BBS9: variants seen among roughly 807,000 people sequenced by gnomAD.
The protein encoded by BBS9 is protein PTHB1.
A neutral mutation model predicts 117.7 loss-of-function variants in BBS9; 89 were observed. That is an observed-to-expected ratio of 0.76 (90% CI 0.64 to 0.90). The LOEUF (loss-of-function observed/expected upper bound fraction) is 0.90, where lower values mean the gene tolerates loss of function less well. BBS9 is among the 40% of genes least tolerant of loss of function. The pLI, the probability that BBS9 is intolerant of heterozygous loss-of-function variation, is 0.00. For synonymous variants in BBS9, 379 were observed against 370.9 expected (o/e 1.02, Z -0.25); for missense variants, 982 against 1,042.2 (o/e 0.94, Z 0.80).
rs143016114 is a variant in BBS9 at position 33,367,841 on chromosome 7, G to C, written c.1768G>C (p.Val590Leu). ...FHFLGGARIT[V>L]LASKTSQRYR... ...CTTCTTAGGAGGTGCTCGAATTACT[G>C]TTCTTGCTTCCAAAACTTCTCGTAA... The change falls in exon 17 of 23, where the codon GTT (valine) becomes CTT (leucine). Residue 590 changes from valine to leucine, a missense_variant. Coordinates refer to ENST00000242067, the MANE Select transcript of BBS9 (RefSeq NM_198428.3). 1 of 1,613,748 alleles carries C rather than the reference G, an allele frequency of 6.2e-7. No individual in the cohort carries two copies. The highest frequency in any genetic ancestry group is 1.1e-5 in the South Asian group (1 of 91,074).
At chr7:33,596,981 C>G (rs563537701) in intron 21 of BBS9, among the ~76,000 whole-genome samples, 2 of 151,124 alleles carry the variant, frequency 1.3e-5, no homozygotes, top group African/African-American at 4.8e-5. Context: ...AACTGGAAAA[C>G]TAACAGAGTA....
At chr7:33,529,845 G>T (rs1176907297) in intron 20 of BBS9, among the ~76,000 whole-genome samples, 2 of 152,122 alleles carry the variant, frequency 1.3e-5, no homozygotes, top group East Asian at 3.8e-4. Flanking sequence ...AAAAATACTA[G>T]TATGATTGAT....
chr7:33,626,839 G>GAA (rs1865659563), intron 21 of BBS9, among the ~76,000 whole-genome samples: 4 of 152,222 alleles, frequency 2.6e-5, no homozygotes, highest in Admixed American at 2.0e-4. Flanking sequence ...ATGTGCATGA[G>GAA]CAAAGAGATG....
chr7:33,275,847 C>A (rs1271930540), intron 9 of BBS9, among the ~76,000 whole-genome samples: 1 of 152,062 alleles, frequency 6.6e-6, no homozygotes, highest in Non-Finnish European at 1.5e-5. Flanking sequence ...GGTCTAGGTG[C>A]AACTTATGAG....
intron 19 of BBS9, among the ~76,000 whole-genome samples, chr7:33,487,202 C>G (rs1040793976): frequency 1.3e-5 from 2 of 152,146 alleles, no homozygotes; most frequent in African/African-American, 4.8e-5. Flanking sequence ...GCTTAGGATT[C>G]ATTGTAATTC....
Position 33,379,635 on chromosome 7 carries a change from G to A in BBS9, c.1790-4031G>A, listed in dbSNP as rs908691377. On this transcript the variant is annotated intron_variant, in intron 17 of 22. Coordinates refer to ENST00000242067, the MANE Select transcript of BBS9 (RefSeq NM_198428.3). ...ATATTTTATTAAAGATAGTTGTTTT[G>A]TATCTGCTATGTGAAAGTTACTTGA... 3.3e-5 allele frequency among the ~76,000 whole-genome samples: 5 copies of A among 152,158 alleles called. No homozygotes were observed. In the East Asian group the frequency reaches 9.6e-4, roughly 29 times the overall value.
intron 2 of BBS9, among the ~76,000 whole-genome samples, chr7:33,148,804 G>T (rs1344351363): frequency 3.5e-5 from 5 of 144,168 alleles, no homozygotes; most frequent in African/African-American, 1.3e-4. Context: ...TATTTTTTTT[G>T]TACAGACAGT....
intron 19 of BBS9, among the ~76,000 whole-genome samples, chr7:33,426,900 G>A (rs1833740964): frequency 6.6e-6 from 1 of 152,012 alleles, no homozygotes; most frequent in Non-Finnish European, 1.5e-5. Context: ...TTTTCAAAAA[G>A]GATATTTTAT....
At chr7:33,561,941 T>C (rs1856146074) in intron 21 of BBS9, among the ~76,000 whole-genome samples, 1 of 152,222 alleles carries the variant, frequency 6.6e-6, no homozygotes, top group African/African-American at 2.4e-5. Flanking sequence ...TTACCAACAA[T>C]AGTCTTTTCT....
chr7:33,240,248 T>C (rs146407878), intron 5 of BBS9, among the ~76,000 whole-genome samples: 2 of 126,492 alleles, frequency 1.6e-5, no homozygotes, highest in African/African-American at 5.8e-5. Context: ...GGGCTAATCA[T>C]TCTTCATTGT....
At chr7:33,591,250 T>A (rs911708057) in intron 21 of BBS9, among the ~76,000 whole-genome samples, 2 of 152,002 alleles carry the variant, frequency 1.3e-5, no homozygotes, top group African/African-American at 2.4e-5. Flanking sequence ...AGGAAAAAAA[T>A]TTAACTCCTT....
intron 21 of BBS9, among the ~76,000 whole-genome samples, chr7:33,633,348 T>G (rs1161656681): frequency 6.6e-6 from 1 of 152,102 alleles, no homozygotes; most frequent in Non-Finnish European, 1.5e-5. Context: ...TTGTATTTTC[T>G]TCTGAGAAAA....
At chr7:33,146,034 C>G (rs1469770752) in intron 1 of BBS9, among the ~76,000 whole-genome samples, 4 of 152,202 alleles carry the variant, frequency 2.6e-5, no homozygotes, top group Non-Finnish European at 5.9e-5. Flanking sequence ...TGTATAATTT[C>G]TCAGCCCAAT....
At chr7:33,326,633 A>G (rs896002497) in intron 9 of BBS9, among the ~76,000 whole-genome samples, 1 of 152,024 alleles carries the variant, frequency 6.6e-6, no homozygotes, top group South Asian at 2.1e-4. Flanking sequence ...AAGGCCAATG[A>G]CGAGTACTGC....
intron 9 of BBS9, among the ~76,000 whole-genome samples, chr7:33,330,972 C>T (rs1813914388): frequency 6.6e-6 from 1 of 151,956 alleles, no homozygotes; most frequent in African/African-American, 2.4e-5. Flanking sequence ...ACTTATTAAC[C>T]CACATGAACA....
chr7:33,390,574 A>G (rs542774645), intron 19 of BBS9: 45 of 961,542 alleles, frequency 4.7e-5, no homozygotes, highest in Non-Finnish European at 5.1e-5. Flanking sequence ...TTATATGTAT[A>G]TATTTGTAAT....
At position 33,604,884 on chromosome 7, in the gene BBS9, A is replaced by G. The variant is rs777064358; in HGVS notation, c.2541A>G (p.Pro847=). 1 of 1,612,682 alleles carries G rather than the reference A, an allele frequency of 6.2e-7. No homozygotes were observed. Among genetic ancestry groups the G allele is most frequent in the Non-Finnish European group, 8.5e-7 (1 of 1,178,838 alleles). The change falls in exon 22 of 23, where the codon CCA becomes CCG. Residue 847 remains proline (P), a synonymous_variant. Transcript: ENST00000242067. The part of the protein sequence containing the change: ...MVMPGGCTTI[P]ESDLEERSVE... ...AACTAGGTGGTTGTACTACAATCCCAGAGTCAGACCTAGAAGAAAGATCAG... is the reference window on the plus strand; with the variant it reads ...AACTAGGTGGTTGTACTACAATCCCGGAGTCAGACCTAGAAGAAAGATCAG...
intron 6 of BBS9, among the ~76,000 whole-genome samples, chr7:33,257,988 T>C (rs78012437): frequency 0.013 from 2,043 of 152,326 alleles, 27 homozygotes; most frequent in Middle Eastern, 0.051. Context: ...TTTATACTTA[T>C]TCGCTAGAAA....
intron 21 of BBS9, among the ~76,000 whole-genome samples, chr7:33,630,216 C>T (rs1865821573): frequency 6.6e-6 from 1 of 152,158 alleles, no homozygotes; most frequent in Non-Finnish European, 1.5e-5. Flanking sequence ...ATGAAAACCA[C>T]TTCAAGCCAT....
Sources: gnomAD v4.1 joint callset for allele counts (sites outside exome capture counted in the v4.1 genomes callset) on GRCh38, gnomAD v4.1.1 for gene constraint, MANE v1.5 for transcripts, NCBI Gene and HGNC (gene_info 2026-07-23, HGNC 2026-07-21) for gene names.